The following USP25 variants were observed in gnomAD, a reference collection of about 807,000 sequenced individuals.
USP25 encodes ubiquitin specific peptidase 25, also known as ubiquitin carboxyl-terminal hydrolase 25.
USP25 carries 85 observed loss-of-function variants against 158.5 expected under a neutral mutation model. That is an observed-to-expected ratio of 0.54 (90% CI 0.45 to 0.64). The LOEUF is 0.64. Among genes scored for constraint, USP25 ranks in the 30% least tolerant of loss-of-function variants. USP25 has a pLI of 0.00. For missense variants in USP25, 1,242 were observed against 1,327.3 expected, an observed-to-expected ratio of 0.94 and a Z score of 1.00; for synonymous variants, 464 against 460.4, an observed-to-expected ratio of 1.01 and a Z score of -0.10.
At position 15,877,838 on chromosome 21, in the gene USP25, G is replaced by T. The variant is rs752948082; in HGVS notation, c.3052G>T (p.Asp1018Tyr). Residue 1018 changes from aspartate to tyrosine, a missense_variant, in exon 25 of 26, where the codon GAT becomes TAT. Asp to Tyr is a radical substitution (Grantham distance 160). Transcript: ENST00000400183. Reference sequence around the variant, plus strand: ...CGCAGAACTCTTCGAATCTGGAGAGGATCGAGAAGTAAACAATGGTTTGAT... The same window carrying T: ...CGCAGAACTCTTCGAATCTGGAGAGTATCGAGAAGTAAACAATGGTTTGAT... Reference protein sequence around the residue: ...QAAELFESGEDREVNNGLIIM... With the variant: ...QAAELFESGEYREVNNGLIIM... 1.9e-6 allele frequency: 3 copies of T among 1,612,830 alleles called. No individual in the cohort carries two copies. The highest frequency in any genetic ancestry group is 2.2e-5 in the South Asian group (2 of 90,916).
At chr21:15,808,551 T>G (rs1016238355) in intron 7 of USP25, among the ~76,000 whole-genome samples, 1 of 150,010 alleles carries the variant, frequency 6.7e-6, no homozygotes, top group Non-Finnish European at 1.5e-5. Context: ...TTTGATTGTG[T>G]GTGTGTGTGT....
chr21:15,809,473 C>A (rs904094186), intron 8 of USP25, among the ~76,000 whole-genome samples: 2 of 152,120 alleles, frequency 1.3e-5, no homozygotes, highest in Non-Finnish European at 2.9e-5. Flanking sequence ...AACACCCCCC[C>A]CAACCCCTAC....
At chr21:15,740,792 A>G (rs1790489463) in intron 1 of USP25, among the ~76,000 whole-genome samples, 1 of 151,672 alleles carries the variant, frequency 6.6e-6, no homozygotes, top group Admixed American at 6.6e-5. Context: ...TATTCTTTGT[A>G]CAATTTTAGA....
chr21:15,849,252 T>G (rs1438204960), intron 19 of USP25, among the ~76,000 whole-genome samples: 2 of 152,166 alleles, frequency 1.3e-5, no homozygotes, highest in African/African-American at 2.4e-5. Context: ...TTTTTAAAAT[T>G]TATTGCAGTG....
At chr21:15,870,243 CTG>C (rs2146586751) in intron 23 of USP25, 96 bp downstream of exon 23, 1 of 762,470 alleles carries the variant, frequency 1.3e-6, no homozygotes, top group East Asian at 2.8e-5. Context: ...TATTCATACT[CTG>C]TATTTTTAAT....
intron 18 of USP25, among the ~76,000 whole-genome samples, chr21:15,847,111 A>G (rs1407936886): frequency 1.3e-5 from 2 of 152,290 alleles, no homozygotes; most frequent in East Asian, 1.9e-4. Flanking sequence ...CTGGATACAC[A>G]ATTGATTACC....
intron 20 of USP25, among the ~76,000 whole-genome samples, chr21:15,851,982 C>G (rs1340683482): frequency 6.6e-6 from 1 of 151,900 alleles, no homozygotes; most frequent in Non-Finnish European, 1.5e-5. Context: ...AAAGCATGGG[C>G]AAGAATCAAG....
At chr21:15,794,473 A>C (rs889099372) in intron 5 of USP25, among the ~76,000 whole-genome samples, 1 of 151,600 alleles carries the variant, frequency 6.6e-6, no homozygotes, top group Non-Finnish European at 1.5e-5. Flanking sequence ...GTTCCCCACT[A>C]GGGTGTCACT....
At chr21:15,800,272 G>T (rs531585483) in intron 6 of USP25, among the ~76,000 whole-genome samples, 6 of 151,194 alleles carry the variant, frequency 4.0e-5, no homozygotes, top group African/African-American at 1.4e-4. Flanking sequence ...TTTCATTTTG[G>T]AAGTGACTGT....
intron 4 of USP25, among the ~76,000 whole-genome samples, chr21:15,783,010 A>G (rs2035053949): frequency 6.6e-6 from 1 of 152,204 alleles, no homozygotes; most frequent in South Asian, 2.1e-4. Flanking sequence ...GAAATTAATA[A>G]ATTCATTAGC....
At chr21:15,871,403 AATAGAGTGAG>A (rs1476659826) in intron 23 of USP25, among the ~76,000 whole-genome samples, 3 of 152,180 alleles carry the variant, frequency 2.0e-5, no homozygotes, top group Admixed American at 6.5e-5. Flanking sequence ...CGTATAATTC[AATAGAGTGAG>A]ATATAAAAAG....
At chr21:15,823,966 C>T in intron 10 of USP25, 73 bp from the exon 11 acceptor site, 2 of 1,450,486 alleles carry the variant, frequency 1.4e-6, no homozygotes, top group Non-Finnish European at 1.9e-6. Flanking sequence ...GTGCCCACAT[C>T]CTGTGCCTAA....
chr21:15,833,539 G>A lies in USP25; in HGVS notation c.2185G>A (p.Val729Met). 6.2e-7 allele frequency: 1 copy of A among 1,613,250 alleles called. No homozygotes were observed. Among genetic ancestry groups the A allele is most frequent in the Non-Finnish European group, 8.5e-7 (1 of 1,179,578 alleles). ...GAAATTGAGAGAGTCAGAGACTTCT[G>A]TGACAACAGGTTTGTCCATTTTTAT... ...SQKLRESETS[V>M]TTAQAAGDPE... Residue 729 changes from valine to methionine, a missense_variant, in exon 17 of 26, where the codon GTG becomes ATG. Physicochemically the swap from Val to Met is conservative, Grantham distance 21. Around this residue, in one of 3 missense-constraint regions of USP25, gnomAD observed 608 missense variants for 605.2 expected, o/e 1.00. Coordinates refer to ENST00000400183, the MANE Select transcript of USP25 (RefSeq NM_001283041.3).
At chr21:15,758,642 C>T (rs1337632939) in intron 1 of USP25, among the ~76,000 whole-genome samples, 1 of 152,050 alleles carries the variant, frequency 6.6e-6, no homozygotes, top group African/African-American at 2.4e-5. Context: ...AAAGACATAC[C>T]TGGGACTGGG....
chr21:15,839,557 G>A (rs914508214), intron 17 of USP25, among the ~76,000 whole-genome samples: 4 of 152,110 alleles, frequency 2.6e-5, no homozygotes, highest in Non-Finnish European at 5.9e-5. Context: ...TGGAAATAAT[G>A]TATCAGAAAT....
At chr21:15,759,553 A>G (rs2033603896) in intron 1 of USP25, among the ~76,000 whole-genome samples, 3 of 152,232 alleles carry the variant, frequency 2.0e-5, no homozygotes, top group Admixed American at 6.5e-5. Context: ...GGTAGATTTG[A>G]ATATATTCTG....
intron 20 of USP25, among the ~76,000 whole-genome samples, chr21:15,851,870 A>G (rs2038903854): frequency 6.6e-6 from 1 of 151,882 alleles, no homozygotes; most frequent in Non-Finnish European, 1.5e-5. Context: ...TCCTTTCACC[A>G]TCATTCTGGG....
At position 15,730,415 on chromosome 21, in the gene USP25, C is replaced by T. The variant is rs1345349714; in HGVS notation, c.22C>T (p.Leu8=). MTVEQNV[L]QQSAAQKHQQ... ...GGCCATGACCGTGGAGCAGAACGTG[C>T]TGCAGCAGAGCGCGGCGCAGAAGGT... Residue 8 remains leucine, a synonymous_variant, in exon 1 of 26, where the codon CTG becomes TTG. Transcript: ENST00000400183. 2 of 1,354,926 alleles carry T rather than the reference C, an allele frequency of 1.5e-6. No homozygotes were observed. Among genetic ancestry groups the T allele is most frequent in the African/African-American group, 1.5e-5 (1 of 65,602 alleles). 83.9% of individuals were successfully genotyped at this position (1,354,926 alleles called of 1,614,324 possible).
intron 23 of USP25, among the ~76,000 whole-genome samples, chr21:15,873,335 G>A (rs2039970104): frequency 6.6e-6 from 1 of 151,620 alleles, no homozygotes; most frequent in South Asian, 2.1e-4. Context: ...TGGCCAGGCA[G>A]GTCTTGAACT....
Sources: gnomAD v4.1 joint callset for allele counts (sites outside exome capture counted in the v4.1 genomes callset) on GRCh38, gnomAD v4.1.1 for gene constraint, gnomAD v4.1.1 regional missense constraint, MANE v1.5 for transcripts, NCBI Gene and HGNC (gene_info 2026-07-23, HGNC 2026-07-21) for gene names.